MERTK: variants seen among roughly 807,000 people sequenced by gnomAD.
MERTK encodes the protein MER proto-oncogene, tyrosine kinase, also known as tyrosine-protein kinase Mer.
A neutral mutation model predicts 99.3 loss-of-function variants in MERTK; 69 were observed. That is an observed-to-expected ratio of 0.70 (90% confidence interval 0.57 to 0.85). The LOEUF (loss-of-function observed/expected upper bound fraction) is 0.85, where lower values mean the gene tolerates loss of function less well. Ranked by LOEUF, MERTK falls within the 40% of genes least tolerant of loss-of-function variation. MERTK has a pLI of 0.00. For missense variants in MERTK, 1,125 were observed against 1,249.4 expected, an observed-to-expected ratio of 0.90 and a Z score of 1.50; for synonymous variants, 426 against 467.6, an observed-to-expected ratio of 0.91 and a Z score of 1.15.
chr2:111,995,439 G>C, intron 9 of MERTK: 1 of 188,450 alleles, frequency 5.3e-6, no homozygotes, highest in Admixed American at 4.2e-5. Context: ...TTAAGTTTTT[G>C]CCAAACATGA....
Position 112,019,212 on chromosome 2 carries a change from TG to T in MERTK, c.2080-200del. Reference sequence around the variant, plus strand: ...GATGGGGAAAAGAGAATATGATGTTTGCCAAGAAGTTTAAGGTTTTTCTCAT... The same window carrying T: ...GATGGGGAAAAGAGAATATGATGTTTCCAAGAAGTTTAAGGTTTTTCTCAT... On this transcript the variant is annotated intron_variant, in intron 15 of 18. Transcript: ENST00000295408. 3 of 699,032 alleles carry T rather than the reference TG, an allele frequency of 4.3e-6. No individual in the cohort carries two copies. In the Admixed American group the frequency reaches 6.1e-5, roughly 14 times the overall value. 43.3% of individuals were successfully genotyped at this position (699,032 alleles called of 1,614,324 possible).
intron 8 of MERTK, among the ~76,000 whole-genome samples, chr2:111,985,660 C>T (rs1373397029): frequency 5.9e-5 from 9 of 152,248 alleles, no homozygotes; most frequent in East Asian, 1.9e-4. Context: ...AGCAAAGGCA[C>T]GTCTTACATG....
At chr2:111,960,480 CAAAAA>C (rs61179378) in intron 4 of MERTK, among the ~76,000 whole-genome samples, 1 of 75,946 alleles carries the variant, frequency 1.3e-5, no homozygotes, top group Non-Finnish European at 2.6e-5. Context: ...GTCTCAGTCT[CAAAAA>C]AAAAAAAAAA....
At chr2:111,965,638 C>T (rs368443044) in intron 5 of MERTK, among the ~76,000 whole-genome samples, 3 of 152,150 alleles carry the variant, frequency 2.0e-5, no homozygotes, top group Admixed American at 6.5e-5. Flanking sequence ...CCTCTTCCAC[C>T]GTGAACTACT....
chr2:111,951,225 CTGTGCAATTT>C, intron 4 of MERTK, among the ~76,000 whole-genome samples: 1 of 152,080 alleles, frequency 6.6e-6, no homozygotes, highest in South Asian at 2.1e-4. Context: ...TTCCAGTATA[CTGTGCAATTT>C]TGTTAACTGT....
intron 8 of MERTK, among the ~76,000 whole-genome samples, chr2:111,983,211 T>C (rs79988866): frequency 6.6e-6 from 1 of 152,222 alleles, no homozygotes; most frequent in Non-Finnish European, 1.5e-5. Context: ...CACTTACTCA[T>C]TCATTCATTC....
chr2:111,927,153 C>G (rs183515552), intron 1 of MERTK, among the ~76,000 whole-genome samples: 6 of 152,336 alleles, frequency 3.9e-5, no homozygotes, highest in African/African-American at 1.4e-4. Flanking sequence ...AGGAAAATCT[C>G]TTCTCTTCTA....
chr2:112,027,010 T>A (rs1300698544), intron 18 of MERTK, among the ~76,000 whole-genome samples: 1 of 152,132 alleles, frequency 6.6e-6, no homozygotes, highest in Non-Finnish European at 1.5e-5. Flanking sequence ...AAATGATGCC[T>A]AGGCATGCTG....
chr2:111,925,436 G>A (rs1684545297), intron 1 of MERTK, among the ~76,000 whole-genome samples: 1 of 149,496 alleles, frequency 6.7e-6, no homozygotes, highest in Non-Finnish European at 1.5e-5. Flanking sequence ...TGAGTAGCTG[G>A]GATTACAGGC....
chr2:111,912,362 C>T (rs1275891306), intron 1 of MERTK, among the ~76,000 whole-genome samples: 2 of 152,118 alleles, frequency 1.3e-5, no homozygotes, highest in Admixed American at 1.3e-4. Flanking sequence ...TTACAAACAA[C>T]GTTGCCATGA....
At chr2:111,911,353 A>G (rs61075859) in intron 1 of MERTK, among the ~76,000 whole-genome samples, 2 of 152,042 alleles carry the variant, frequency 1.3e-5, no homozygotes, top group East Asian at 3.9e-4. Flanking sequence ...AATATACCAT[A>G]GTTTTATTTA....
intron 8 of MERTK, among the ~76,000 whole-genome samples, chr2:111,988,120 G>A (rs1231825752): frequency 6.6e-6 from 1 of 151,946 alleles, no homozygotes; most frequent in Non-Finnish European, 1.5e-5. Flanking sequence ...GGAAGCTGCA[G>A]TGTACTTGGC....
At position 111,932,988 on chromosome 2, in the gene MERTK, A is replaced by G. The variant is rs546105058; in HGVS notation, c.482+3448A>G. ...TTTTATGGTCATGCTGACCTTAGCCATTAGGCTGATGCCCTTTAGATTTAG... is the reference window on the plus strand; with the variant it reads ...TTTTATGGTCATGCTGACCTTAGCCGTTAGGCTGATGCCCTTTAGATTTAG... On this transcript the variant is annotated intron_variant, in intron 2 of 18. Transcript: ENST00000295408. Among the ~76,000 whole-genome samples, 6 of 152,322 alleles carry G rather than the reference A, an allele frequency of 3.9e-5. No homozygotes were observed. In the South Asian group the frequency reaches 1.0e-3, roughly 26 times the overall value.
intron 18 of MERTK, among the ~76,000 whole-genome samples, chr2:112,027,174 T>TAC (rs1286156816): frequency 9.3e-5 from 14 of 150,452 alleles, no homozygotes; most frequent in Non-Finnish European, 1.8e-4. Context: ...TATATATATA[T>TAC]ATACACACAC....
chr2:111,982,942 A>G lies in MERTK; in HGVS notation c.1245A>G (p.Gly415=). The G allele has an allele frequency of 6.2e-7, 1 of 1,614,170 alleles. No homozygotes were observed. The highest frequency in any genetic ancestry group is 1.1e-5 in the South Asian group (1 of 91,080). ...AGCCTCCGACTAAGCAGCAGGATGG[A>G]GAACTGGTGGGCTACCGGATATCCC... is the stretch of plus-strand genomic sequence containing the variant. ...WMKPPTKQQD[G]ELVGYRISHV... is the part of the protein sequence containing the mutation. Residue 415 remains glycine (G), a synonymous_variant, in exon 8 of 19, where the codon GGA becomes GGG. Coordinates refer to ENST00000295408, the MANE Select transcript of MERTK (RefSeq NM_006343.3).
At position 112,028,646 on chromosome 2, in the gene MERTK, C is replaced by T. The variant is rs750606891; in HGVS notation, c.2782C>T (p.Arg928Trp). The T allele has an allele frequency of 9.3e-6, 15 of 1,614,058 alleles. No homozygotes were observed. Among genetic ancestry groups the T allele is most frequent in the Middle Eastern group, 1.6e-4 (1 of 6,084 alleles). ...TCATGACAGCAAACCTCATGAAGGA[C>T]GGTACATCCTGAATGGGGGCAGTGA... ...EVHDSKPHEG[R>W]YILNGGSEEW... The change falls in exon 19 of 19, where the codon CGG becomes TGG. Residue 928 changes from arginine (R) to tryptophan (W), a missense_variant. By Grantham distance (101) the Arg-to-Trp change is moderately radical. Transcript: ENST00000295408.
chr2:111,974,018 A>C (rs960071619), intron 6 of MERTK, among the ~76,000 whole-genome samples: 14 of 150,440 alleles, frequency 9.3e-5, no homozygotes, highest in African/African-American at 3.4e-4. Flanking sequence ...AAAAGCCAAG[A>C]ATCTACATTT....
chr2:111,948,994 T>C (rs1485933510), intron 4 of MERTK, among the ~76,000 whole-genome samples: 2 of 151,934 alleles, frequency 1.3e-5, no homozygotes, highest in African/African-American at 2.4e-5. Flanking sequence ...ACGAGTCACA[T>C]TGATTGTCTT....
At chr2:111,965,975 TTA>T (rs1384599578) in intron 5 of MERTK, among the ~76,000 whole-genome samples, 1 of 152,194 alleles carries the variant, frequency 6.6e-6, no homozygotes, top group Non-Finnish European at 1.5e-5. Context: ...CCAATCTACC[TTA>T]TTCTCCTTCT....
Sources: gnomAD v4.1 joint callset for allele counts (sites outside exome capture counted in the v4.1 genomes callset) on GRCh38, gnomAD v4.1.1 for gene constraint, MANE v1.5 for transcripts, NCBI Gene and HGNC (gene_info 2026-07-23, HGNC 2026-07-21) for gene names.